HPSE2: variants seen among roughly 807,000 people sequenced by gnomAD.
HPSE2 encodes the protein heparanase 2 (inactive).
HPSE2 carries 38 observed loss-of-function variants against 60.5 expected under a neutral mutation model. The observed-to-expected ratio is 0.63, with a 90% CI of 0.48 to 0.82. The LOEUF is 0.82. Among genes scored for constraint, HPSE2 ranks in the 40% least tolerant of loss-of-function variants. The pLI, the probability that HPSE2 is intolerant of heterozygous loss-of-function variation, is 0.00. For missense variants in HPSE2, 713 were observed against 740.4 expected (o/e 0.96, Z 0.43); for synonymous variants, 295 against 293.2 (o/e 1.01, Z -0.06).
chr10:99,074,506 C>G (rs1842898686), intron 3 of HPSE2, among the ~76,000 whole-genome samples: 1 of 151,956 alleles, frequency 6.6e-6, no homozygotes, highest in South Asian at 2.1e-4. Flanking sequence ...GGATATTGGC[C>G]AGTAGTTTTC....
chr10:98,541,883 G>A (rs1487875346), intron 9 of HPSE2, among the ~76,000 whole-genome samples: 1 of 152,196 alleles, frequency 6.6e-6, no homozygotes, highest in Non-Finnish European at 1.5e-5. Context: ...CTCCATCTCT[G>A]GGGGCAGGGC....
chr10:98,946,992 T>C (rs1216139923), intron 3 of HPSE2, among the ~76,000 whole-genome samples: 1 of 146,340 alleles, frequency 6.8e-6, no homozygotes, highest in Non-Finnish European at 1.5e-5. Context: ...CCAGAAACCA[T>C]GGGGCCCATA....
chr10:98,902,645 T>A lies in HPSE2; in HGVS notation c.611-158589A>T, dbSNP rs150949113. On this transcript the variant is annotated intron_variant, in intron 3 of 11. Transcript: ENST00000370552. The stretch of plus-strand genomic sequence containing the variant: ...CTAACTTAAAACCCTATAAGCTGGG[T>A]TACACATGTGATTGCATTTAGTGAA... Among the ~76,000 whole-genome samples the A allele has an allele frequency of 8.1e-4, 124 of 152,288 alleles. 1 individual carries two copies. In the East Asian group the frequency reaches 0.02, roughly 25 times the overall value.
chr10:98,594,092 G>T (rs75489695), intron 9 of HPSE2, among the ~76,000 whole-genome samples: 6,920 of 152,064 alleles, frequency 0.046, 215 homozygotes, highest in Non-Finnish European at 0.068. Flanking sequence ...TGTATATATT[G>T]TGAAACAGCT....
At chr10:99,007,111 G>A (rs1391144259) in intron 3 of HPSE2, among the ~76,000 whole-genome samples, 1 of 152,188 alleles carries the variant, frequency 6.6e-6, no homozygotes, top group Non-Finnish European at 1.5e-5. Flanking sequence ...GGGTGGCCTG[G>A]AGCCTAGCAC....
At chr10:99,234,629 A>T (rs1452091293) in intron 1 of HPSE2, among the ~76,000 whole-genome samples, 1 of 152,190 alleles carries the variant, frequency 6.6e-6, no homozygotes, top group African/African-American at 2.4e-5. Context: ...CAACCCGGGA[A>T]GAGTGTGAGC....
chr10:98,856,794 A>G (rs1273179857), intron 3 of HPSE2, among the ~76,000 whole-genome samples: 1 of 152,164 alleles, frequency 6.6e-6, no homozygotes, highest in Non-Finnish European at 1.5e-5. Flanking sequence ...ACTGTTTCCT[A>G]GTCACCCCAC....
At chr10:98,647,528 G>T (rs903869688) in intron 6 of HPSE2, among the ~76,000 whole-genome samples, 6 of 152,296 alleles carry the variant, frequency 3.9e-5, no homozygotes, top group African/African-American at 1.4e-4. Flanking sequence ...GACTGGGCAG[G>T]TAATTCCAGA....
At chr10:99,014,252 G>C (rs909204140) in intron 3 of HPSE2, among the ~76,000 whole-genome samples, 1 of 152,152 alleles carries the variant, frequency 6.6e-6, no homozygotes, top group East Asian at 1.9e-4. Context: ...AAGGATAATG[G>C]CCTCCAGCTC....
At chr10:99,206,955 A>G (rs1471808611) in intron 2 of HPSE2, among the ~76,000 whole-genome samples, 1 of 152,120 alleles carries the variant, frequency 6.6e-6, no homozygotes, top group Non-Finnish European at 1.5e-5. Flanking sequence ...GAGTTCAAAA[A>G]GAATAAGAGG....
At chr10:98,749,905 A>G (rs1418217851) in intron 3 of HPSE2, among the ~76,000 whole-genome samples, 1 of 130,356 alleles carries the variant, frequency 7.7e-6, no homozygotes, top group Non-Finnish European at 1.7e-5. Context: ...TGTAATTTAT[A>G]TATTTTATAT....
At chr10:98,530,540 G>A (rs1241230771) in intron 9 of HPSE2, among the ~76,000 whole-genome samples, 3 of 152,220 alleles carry the variant, frequency 2.0e-5, no homozygotes, top group Non-Finnish European at 4.4e-5. Context: ...CAAGTGTCAT[G>A]AGGTCATACA....
chr10:98,578,027 G>A (rs1371223543), intron 9 of HPSE2, among the ~76,000 whole-genome samples: 3 of 152,106 alleles, frequency 2.0e-5, no homozygotes, highest in Admixed American at 2.0e-4. Flanking sequence ...ATCTGTCCTT[G>A]ACATTTCTTC....
chr10:98,491,946 C>T (rs1564916156), intron 9 of HPSE2, among the ~76,000 whole-genome samples: 1 of 152,180 alleles, frequency 6.6e-6, no homozygotes, highest in Non-Finnish European at 1.5e-5. Context: ...GATTTTTACA[C>T]TCACAAAGCA....
chr10:99,222,352 G>GT (rs1488983314), intron 2 of HPSE2, among the ~76,000 whole-genome samples: 1 of 152,068 alleles, frequency 6.6e-6, no homozygotes, highest in Non-Finnish European at 1.5e-5. Flanking sequence ...GTCTATAGCT[G>GT]TGTTCCCTAC....
intron 3 of HPSE2, among the ~76,000 whole-genome samples, chr10:98,991,529 T>C (rs566595478): frequency 6.6e-6 from 1 of 152,124 alleles, no homozygotes; most frequent in African/African-American, 2.4e-5. Flanking sequence ...AAGTGGGTGG[T>C]AGATGGCAGA....
chr10:98,634,318 A>C (rs1946440749), intron 7 of HPSE2, among the ~76,000 whole-genome samples: 1 of 152,226 alleles, frequency 6.6e-6, no homozygotes, highest in Non-Finnish European at 1.5e-5. Flanking sequence ...TGAAATAAGC[A>C]GTCAATATTG....
intron 9 of HPSE2, among the ~76,000 whole-genome samples, chr10:98,554,214 C>A (rs887228528): frequency 6.6e-6 from 1 of 152,198 alleles, no homozygotes; most frequent in African/African-American, 2.4e-5. Context: ...CATAGGCTTC[C>A]AGCCAGATCA....
intron 3 of HPSE2, among the ~76,000 whole-genome samples, chr10:98,925,065 C>T (rs1203733852): frequency 3.3e-5 from 5 of 152,226 alleles, no homozygotes; most frequent in Non-Finnish European, 7.3e-5. Context: ...CTCAAGTTCT[C>T]TCTCTGCACT....
Sources: gnomAD v4.1 joint callset for allele counts (sites outside exome capture counted in the v4.1 genomes callset) on GRCh38, gnomAD v4.1.1 for gene constraint, MANE v1.5 for transcripts, NCBI Gene and HGNC (gene_info 2026-07-23, HGNC 2026-07-21) for gene names.